SH3GL2: variants seen among roughly 807,000 people sequenced by gnomAD.
SH3GL2 encodes SH3 domain containing GRB2 like 2, endophilin A1, also known as endophilin-A1.
A neutral mutation model predicts 46.0 loss-of-function variants in SH3GL2; 24 were observed. The observed-to-expected ratio is 0.52, with a 90% confidence interval of 0.38 to 0.73. The LOEUF (loss-of-function observed/expected upper bound fraction) is 0.73, where lower values mean the gene tolerates loss of function less well. SH3GL2 is among the 30% of genes least tolerant of loss of function. The pLI is 0.00. For synonymous variants in SH3GL2, 196 were observed against 147.1 expected (o/e 1.33, Z -2.40); for missense variants, 413 against 424.2 (o/e 0.97, Z 0.23).
At chr9:17,670,149 T>A (rs777269545) in intron 1 of SH3GL2, among the ~76,000 whole-genome samples, 2 of 152,250 alleles carry the variant, frequency 1.3e-5, no homozygotes, top group African/African-American at 2.4e-5. Context: ...TCTTTCTTAC[T>A]GTGCATGTGC....
Position 17,678,078 on chromosome 9 carries a change from G to A in SH3GL2, c.46-68988G>A, listed in dbSNP as rs149046693. 7.0e-3 allele frequency among the ~76,000 whole-genome samples: 1,072 copies of A among 152,128 alleles called. 9 individuals are homozygous for A. Among genetic ancestry groups the A allele is most frequent in the Non-Finnish European group, 0.011 (732 of 68,002 alleles). On this transcript the variant is annotated intron_variant, in intron 1 of 8. Transcript: ENST00000380607. Reference sequence around the variant, plus strand: ...AGTCTTTGCTATTGTGAATAGTGCCGCAGTAAACATATGTGTATGTGTGCA... The same window carrying A: ...AGTCTTTGCTATTGTGAATAGTGCCACAGTAAACATATGTGTATGTGTGCA...
chr9:17,632,456 A>T (rs910366278), intron 1 of SH3GL2, among the ~76,000 whole-genome samples: 3 of 152,184 alleles, frequency 2.0e-5, no homozygotes, highest in Non-Finnish European at 4.4e-5. Context: ...TACAAATGTC[A>T]CTGTCAAAGC....
chr9:17,665,761 C>A (rs149383626), intron 1 of SH3GL2, among the ~76,000 whole-genome samples: 1 of 151,516 alleles, frequency 6.6e-6, no homozygotes, highest in Non-Finnish European at 1.5e-5. Context: ...GTGTTCAGGT[C>A]TTGGTGCTAG....
chr9:17,599,361 C>T (rs1351118408), intron 1 of SH3GL2, among the ~76,000 whole-genome samples: 2 of 152,136 alleles, frequency 1.3e-5, no homozygotes, highest in Non-Finnish European at 2.9e-5. Flanking sequence ...TTAAGATTTG[C>T]AGCATACAAA....
chr9:17,663,923 G>A (rs993635452), intron 1 of SH3GL2, among the ~76,000 whole-genome samples: 3 of 152,054 alleles, frequency 2.0e-5, no homozygotes, highest in African/African-American at 7.2e-5. Context: ...TTTTGTTATG[G>A]AGAGAGACAC....
In SH3GL2 at chr9:17,643,095, G is replaced by GT. The variant is rs768493935; in HGVS notation, c.45+63809dup. Among the ~76,000 whole-genome samples, 6 of 152,214 alleles carry GT rather than the reference G, an allele frequency of 3.9e-5. No homozygotes were observed. In the South Asian group the frequency reaches 1.2e-3, roughly 32 times the overall value. On this transcript the variant is annotated intron_variant, in intron 1 of 8. Coordinates refer to ENST00000380607, the MANE Select transcript of SH3GL2 (RefSeq NM_003026.5). ...GTGGTTTGTAGTTCTCCTTGAAGAG[G>GT]TCCTTCACATCCCTTGTAAGTTGGG...
At chr9:17,660,278 T>G (rs77006953) in intron 1 of SH3GL2, among the ~76,000 whole-genome samples, 10,760 of 152,278 alleles carry the variant, frequency 0.071, 594 homozygotes, top group Admixed American at 0.18. Flanking sequence ...TCAGAAGATC[T>G]GGCAGCCTTG....
intron 1 of SH3GL2, among the ~76,000 whole-genome samples, chr9:17,621,648 GT>G (rs1328783506): frequency 6.6e-6 from 1 of 152,204 alleles, no homozygotes; most frequent in African/African-American, 2.4e-5. Context: ...TTGAGGTGAA[GT>G]TTTTGTGCCA....
At chr9:17,789,246 A>G (rs1361397587) in intron 5 of SH3GL2, 146 bp from the exon 6 acceptor site, 2 of 619,818 alleles carry the variant, frequency 3.2e-6, no homozygotes, top group Admixed American at 2.9e-5. Context: ...CCATTGATGC[A>G]TGTTTCTTTA....
At chr9:17,701,700 C>T (rs1289352304) in intron 1 of SH3GL2, among the ~76,000 whole-genome samples, 2 of 152,022 alleles carry the variant, frequency 1.3e-5, no homozygotes, top group East Asian at 3.9e-4. Flanking sequence ...GGAAAGATCT[C>T]ATTTGCAGTA....
chr9:17,655,565 C>G (rs1820054146), intron 1 of SH3GL2, among the ~76,000 whole-genome samples: 1 of 152,172 alleles, frequency 6.6e-6, no homozygotes, highest in East Asian at 1.9e-4. Flanking sequence ...ATTTTTGTTA[C>G]ATTGCATCTT....
chr9:17,619,770 A>G lies in SH3GL2; in HGVS notation c.45+40483A>G, dbSNP rs192199160. On this transcript the variant is annotated intron_variant, in intron 1 of 8. Transcript: ENST00000380607. ...ATTTAGGCTCTGTCCATTTTTTCAC[A>G]ATAGAAAATTGACATGGACACATTT... Among the ~76,000 whole-genome samples, 363 of 152,332 alleles carry G rather than the reference A, an allele frequency of 2.4e-3. 1 individual carries two copies. The highest frequency in any genetic ancestry group is 2.9e-3 in the Non-Finnish European group (195 of 68,022).
chr9:17,676,934 T>G (rs1820628229), intron 1 of SH3GL2, among the ~76,000 whole-genome samples: 1 of 152,180 alleles, frequency 6.6e-6, no homozygotes, highest in Non-Finnish European at 1.5e-5. Flanking sequence ...CTGCTCTATG[T>G]GCCAAATATG....
At chr9:17,677,877 G>A (rs543575404) in intron 1 of SH3GL2, among the ~76,000 whole-genome samples, 1 of 152,052 alleles carries the variant, frequency 6.6e-6, no homozygotes, top group South Asian at 2.1e-4. Context: ...AGAAAATGCG[G>A]TGTTTGGTTT....
chr9:17,633,579 G>A (rs370833894), intron 1 of SH3GL2, among the ~76,000 whole-genome samples: 5 of 152,188 alleles, frequency 3.3e-5, no homozygotes, highest in Middle Eastern at 3.4e-3. Flanking sequence ...TTGCACCAAC[G>A]TGTTCTTTAG....
At chr9:17,590,862 A>T (rs1818469593) in intron 1 of SH3GL2, 1 of 152,168 alleles carries the variant, frequency 6.6e-6, no homozygotes, top group South Asian at 2.1e-4. Context: ...CCCAGGCCCA[A>T]GCCTCCCTCC....
At chr9:17,702,540 A>G (rs10115074) in intron 1 of SH3GL2, among the ~76,000 whole-genome samples, 1,921 of 152,202 alleles carry the variant, frequency 0.013, 58 homozygotes, top group African/African-American at 0.043. Context: ...CCATCTCCCA[A>G]TTTCAACCAT....
intron 1 of SH3GL2, among the ~76,000 whole-genome samples, chr9:17,683,828 G>T (rs1258308511): frequency 6.6e-6 from 1 of 152,090 alleles, no homozygotes; most frequent in African/African-American, 2.4e-5. Flanking sequence ...AGCCCCAACT[G>T]AAGAACAGGG....
intron 1 of SH3GL2, among the ~76,000 whole-genome samples, chr9:17,671,918 TTG>T (rs1233766980): frequency 6.6e-6 from 1 of 152,210 alleles, no homozygotes; most frequent in Non-Finnish European, 1.5e-5. Context: ...CTCATAATAA[TTG>T]TGTTACCTCA....
Sources: allele counts gnomAD v4.1 joint callset (sites outside exome capture counted in the v4.1 genomes callset), GRCh38; gene constraint gnomAD v4.1.1; transcripts MANE v1.5; gene names NCBI Gene and HGNC (gene_info 2026-07-23, HGNC 2026-07-21).